The following KRT24 variants were observed in gnomAD, a reference collection of about 807,000 sequenced individuals.
The protein encoded by KRT24 is keratin, type I cytoskeletal 24.
In KRT24, 44 loss-of-function variants were observed where a neutral mutation model predicts 51.7. The ratio of observed to expected loss-of-function variants is 0.85; its 90% CI spans 0.67 to 1.09. The LOEUF (loss-of-function observed/expected upper bound fraction) is 1.09, where lower values mean the gene tolerates loss of function less well. Ranked by LOEUF, KRT24 falls within the 50% of genes least tolerant of loss-of-function variation. The pLI is 0.00. For synonymous variants in KRT24, 241 were observed against 249.5 expected, an observed-to-expected ratio of 0.97 and a Z score of 0.32; for missense variants, 633 against 647.0, an observed-to-expected ratio of 0.98 and a Z score of 0.24.
rs557323108 is a variant in KRT24, at chr17:40,699,910, T to A, written c.1143+88A>T. On this transcript the variant is annotated intron_variant, in intron 5 of 7. Coordinates refer to ENST00000264651, the MANE Select transcript of KRT24 (RefSeq NM_019016.3). ...CAGTTCTCCTTAACACTGCCTTTTT[T>A]ATGTGCCTAGTGAACCTCTTGGCAA... 1.5e-5 allele frequency: 23 copies of A among 1,538,524 alleles called. No individual in the cohort carries two copies. The East Asian group carries it at 3.6e-4, about 24-fold the overall frequency.
intron 1 of KRT24, among the ~76,000 whole-genome samples, chr17:40,702,475 C>T (rs1241130288): frequency 2.0e-5 from 3 of 152,174 alleles, no homozygotes; most frequent in African/African-American, 7.2e-5. Flanking sequence ...ACAGTCTGCA[C>T]ATTTATTGGA....
rs762999419 is a variant in KRT24, at chr17:40,700,402, G to C, written c.856-19C>G. On this transcript the variant is annotated intron_variant, in intron 3 of 7. Coordinates refer to ENST00000264651, the MANE Select transcript of KRT24 (RefSeq NM_019016.3). ...TCATTTCCTAGCATGAAGGAAAAAA[G>C]ACTATCGTGATGCAAACAGAAAAGT... is the stretch of plus-strand genomic sequence containing the variant. The C allele has an allele frequency of 6.3e-7, 1 of 1,591,692 alleles. No individual in the cohort carries two copies. Among genetic ancestry groups the C allele is most frequent in the South Asian group, 1.1e-5 (1 of 90,036 alleles).
chr17:40,698,395 C>A, intron 7 of KRT24, 55 bp from the exon 8 acceptor site: 4 of 1,290,938 alleles, frequency 3.1e-6, no homozygotes, highest in Non-Finnish European at 3.4e-6. Context: ...AAACACAGAG[C>A]AAGAGAAATT....
At position 40,701,241 on chromosome 17, in the gene KRT24, G is replaced by A. The variant is rs1010075674; in HGVS notation, c.754C>T (p.Arg252Trp). The A allele has an allele frequency of 2.5e-6, 4 of 1,613,898 alleles. No homozygotes were observed. The highest frequency in any genetic ancestry group is 8.5e-7 in the Non-Finnish European group (1 of 1,179,938). The change falls in exon 3 of 8, where the codon CGG becomes TGG. Residue 252 changes from arginine to tryptophan, a missense_variant. Arg to Trp is a moderately radical substitution (Grantham distance 101). Transcript: ENST00000264651. ...ATAGTCAGGTCATCCAGGACTTTCC[G>A]CAGGCCATTGATGTCAGCCTCCACG... ...QSVEADINGL[R>W]KVLDDLTMTR...
At chr17:40,699,964 C>A (rs773427084) in intron 5 of KRT24, 34 bp downstream of exon 5, 13 of 1,613,028 alleles carry the variant, frequency 8.1e-6, no homozygotes, top group Admixed American at 3.3e-5. Context: ...GCTTAACTCC[C>A]TGTTGGAAAA....
In KRT24 at chr17:40,700,123, T is replaced by A; in HGVS notation, c.1018A>T (p.Ser340Cys). The change falls in exon 5 of 8, where the codon AGC (serine) becomes TGC (cysteine). Residue 340 changes from serine (S) to cysteine (C), a missense_variant and splice_region_variant. Ser to Cys is a moderately radical substitution (Grantham distance 112, BLOSUM62 -1). Transcript: ENST00000264651. ...GAGATTTGTGCTTGTAGTGATGCGC[T>A]CTAAATACAAACATAATGCAGCTGT... ...REAEERFNKQSASLQAQISTD... is the reference protein window; with the variant it reads ...REAEERFNKQCASLQAQISTD... 6.2e-7 allele frequency: 1 copy of A among 1,614,170 alleles called. No homozygotes were observed. Among genetic ancestry groups the A allele is most frequent in the Middle Eastern group, 1.6e-4 (1 of 6,062 alleles).
chr17:40,699,593 T>C lies in KRT24; in HGVS notation c.1212A>G (p.Gln404=), dbSNP rs749438633. 1.8e-5 allele frequency: 29 copies of C among 1,614,104 alleles called. No individual in the cohort carries two copies. Among genetic ancestry groups the C allele is most frequent in the Non-Finnish European group, 2.3e-5 (27 of 1,180,038 alleles). The part of the protein sequence containing the change: ...AGYVAQLSEI[Q]TQISALEEEI... ...CCTCCTCCAGGGCACTGATCTGCGTTTGAATTTCTGACAGCTGAGCCACGT... is the reference window on the plus strand; with the variant it reads ...CCTCCTCCAGGGCACTGATCTGCGTCTGAATTTCTGACAGCTGAGCCACGT... The change falls in exon 6 of 8, where the codon CAA becomes CAG. Residue 404 remains glutamine, a synonymous_variant. Coordinates refer to ENST00000264651, the MANE Select transcript of KRT24 (RefSeq NM_019016.3).
Position 40,703,438 on chromosome 17 carries a change from C to G in KRT24, c.256G>C (p.Gly86Arg). 6.2e-7 allele frequency: 1 copy of G among 1,600,554 alleles called. No individual in the cohort carries two copies. The change falls in exon 1 of 8, where the codon GGA (glycine) becomes CGA (arginine). Residue 86 changes from glycine (G) to arginine (R), a missense_variant. Physicochemically the swap from Gly to Arg is moderately radical, Grantham distance 125 (BLOSUM62 -2). Coordinates refer to ENST00000264651, the MANE Select transcript of KRT24 (RefSeq NM_019016.3). Reference sequence around the variant, plus strand: ...CCAAAGCTAGAACCCCCACCAAATCCTGTCCCAGAGCCTGAAGCTCCCCCA... The same window carrying G: ...CCAAAGCTAGAACCCCCACCAAATCGTGTCCCAGAGCCTGAAGCTCCCCCA... Reference protein sequence around the residue: ...GFGGASGSGTGFGGGSSFGGV... With the variant: ...GFGGASGSGTRFGGGSSFGGV...
In KRT24 at chr17:40,698,151, G is replaced by T; in HGVS notation, c.*86C>A. On this transcript the variant is annotated 3_prime_UTR_variant, in exon 8 of 8. Transcript: ENST00000264651. ...AGCTTTTCCTGAAATTATCCAGAAAGATGCCTAGATTGATGCCATTTCTTC... is the reference window on the plus strand; with the variant it reads ...AGCTTTTCCTGAAATTATCCAGAAATATGCCTAGATTGATGCCATTTCTTC... 1 of 829,976 alleles carries T rather than the reference G, an allele frequency of 1.2e-6. No individual in the cohort carries two copies. The highest frequency in any genetic ancestry group is 1.5e-5 in the South Asian group (1 of 66,200). The allele number at this position is 829,976 out of a possible 1,614,324, so 51.4% of individuals were successfully genotyped here.
In KRT24 at chr17:40,701,150, T is replaced by A; in HGVS notation, c.845A>T (p.Asn282Ile). ...AGAACATGTTCCTACCTCCTCGTGG[T>A]TCTTCCTCAGGTAGGCTAGCTCCTC... ...FTEELAYLRK[N>I]HEEEMKNMQG... Residue 282 changes from asparagine to isoleucine, a missense_variant, in exon 3 of 8, where the codon AAC (asparagine) becomes ATC (isoleucine). By Grantham distance (149) the Asn-to-Ile change is moderately radical. Transcript: ENST00000264651. 6.2e-7 allele frequency: 1 copy of A among 1,613,926 alleles called. No homozygotes were observed. Among genetic ancestry groups the A allele is most frequent in the Non-Finnish European group, 8.5e-7 (1 of 1,179,918 alleles).
chr17:40,703,076 C>T lies in KRT24; in HGVS notation c.615+3G>A, dbSNP rs2037700726. 1.3e-6 allele frequency: 2 copies of T among 1,587,264 alleles called. No homozygotes were observed. Among genetic ancestry groups the T allele is most frequent in the Non-Finnish European group, 1.7e-6 (2 of 1,167,882 alleles). Reference sequence around the variant, plus strand: ...ATAGAAACTCAGGCACAGATAGTCTCACCTGGTTTCTGAGATCTTCAATTA... The same window carrying T: ...ATAGAAACTCAGGCACAGATAGTCTTACCTGGTTTCTGAGATCTTCAATTA... On this transcript the variant is annotated splice_donor_region_variant and intron_variant, in intron 1 of 7. Transcript: ENST00000264651.
At position 40,703,277 on chromosome 17, in the gene KRT24, C is replaced by A; in HGVS notation, c.417G>T (p.Gly139=). ...GVGDGGLFSG[G]EKQTMQNLND... ...TGAGGTTCTGCATGGTTTGCTTTTC[C>A]CCTCCAGAGAAAAGCCCCCCATCGC... Residue 139 remains glycine, a synonymous_variant, in exon 1 of 8, where the codon GGG becomes GGT. Coordinates refer to ENST00000264651, the MANE Select transcript of KRT24 (RefSeq NM_019016.3). The A allele has an allele frequency of 6.2e-7, 1 of 1,613,990 alleles. No individual in the cohort carries two copies. The highest frequency in any genetic ancestry group is 1.1e-5 in the South Asian group (1 of 91,082).
At chr17:40,702,446 A>G (rs2037694737) in intron 1 of KRT24, among the ~76,000 whole-genome samples, 1 of 152,200 alleles carries the variant, frequency 6.6e-6, no homozygotes, top group South Asian at 2.1e-4. Context: ...TTAGGACTAC[A>G]TCTTTCTGCA....
intron 1 of KRT24, among the ~76,000 whole-genome samples, chr17:40,702,135 G>A (rs1053465600): frequency 6.6e-6 from 1 of 151,968 alleles, no homozygotes; most frequent in Admixed American, 6.6e-5. Context: ...ATGTTTAAGC[G>A]ATTCTTGAGC....
Position 40,699,668 on chromosome 17 carries a change from G to T in KRT24, c.1144-7C>A. The T allele has an allele frequency of 6.2e-7, 1 of 1,601,284 alleles. No homozygotes were observed. Among genetic ancestry groups the T allele is most frequent in the Non-Finnish European group, 8.5e-7 (1 of 1,173,750 alleles). ...TTCCCTCCAGGGAGCTTTTCTAAGAGAAAAAGCAAATAAAAAATTCATGAT... is the reference window on the plus strand; with the variant it reads ...TTCCCTCCAGGGAGCTTTTCTAAGATAAAAAGCAAATAAAAAATTCATGAT... On this transcript the variant is annotated splice_region_variant and splice_polypyrimidine_tract_variant and intron_variant, in intron 5 of 7. Coordinates refer to ENST00000264651, the MANE Select transcript of KRT24 (RefSeq NM_019016.3).
chr17:40,700,444 G>A (rs962429633), intron 3 of KRT24, 61 bp from the exon 4 acceptor site: 7 of 1,308,794 alleles, frequency 5.3e-6, no homozygotes, highest in Non-Finnish European at 6.4e-6. Flanking sequence ...TTCCGAAAAT[G>A]TGCCTAGACA....
At position 40,703,676 on chromosome 17, in the gene KRT24, G is replaced by A. The variant is rs75145537; in HGVS notation, c.18C>T (p.Arg6=). The A allele has an allele frequency of 1.2e-3, 1,961 of 1,573,032 alleles. 18 individuals carry two copies. In the African/African-American group the frequency reaches 0.022, roughly 17 times the overall value. MSCSS[R]ASSSRAGGSS... is the part of the protein sequence containing the mutation. ...TGCCTCCAGCCCTGGAGGAGGAGGC[G>A]CGAGACGAGCAAGACATGGTGCTCC... Residue 6 remains arginine (R), a synonymous_variant, in exon 1 of 8, where the codon CGC becomes CGT. Coordinates refer to ENST00000264651, the MANE Select transcript of KRT24 (RefSeq NM_019016.3).
Position 40,701,895 on chromosome 17 carries a change from CA to C in KRT24, c.653del (p.Leu218CysfsTer15). On this transcript the variant is annotated frameshift_variant, in exon 2 of 8. Coordinates refer to ENST00000264651, the MANE Select transcript of KRT24 (RefSeq NM_019016.3). LOFTEE classifies it high-confidence loss of function. ...AATVENAGIILHIDNARLAAD... is the reference protein window; with the variant it reads ...AATVENAGIIXHIDNARLAAD... ...CAGCCAATCTGGCATTGTCAATGTG[CA>C]AAATGATCCCAGCATTTTCAACAGT... 3.2e-6 allele frequency: 5 copies of C among 1,547,738 alleles called. No homozygotes were observed. Among genetic ancestry groups the C allele is most frequent in the South Asian group, 2.4e-5 (2 of 82,108 alleles).
intron 6 of KRT24, 110 bp from the exon 7 acceptor site, chr17:40,698,760 T>G: frequency 1.5e-6 from 1 of 684,354 alleles, no homozygotes; most frequent in South Asian, 1.8e-5. Context: ...TGTGTTTTAA[T>G]TGGATTGTGT....
Sources: allele counts gnomAD v4.1 joint callset (sites outside exome capture counted in the v4.1 genomes callset), GRCh38; gene constraint gnomAD v4.1.1; transcripts MANE v1.5; gene names NCBI Gene and HGNC (gene_info 2026-07-23, HGNC 2026-07-21).